The following SDCCAG8 variants were observed in gnomAD, a reference collection of about 807,000 sequenced individuals.
SDCCAG8 encodes the protein SHH signaling and ciliogenesis regulator SDCCAG8, also known as serologically defined colon cancer antigen 8.
In SDCCAG8, 74 loss-of-function variants were observed where a neutral mutation model predicts 101.8. The ratio of observed to expected loss-of-function variants is 0.73; its 90% CI spans 0.60 to 0.88. The LOEUF (loss-of-function observed/expected upper bound fraction) is 0.88. Ranked by LOEUF, SDCCAG8 falls within the 40% of genes least tolerant of loss-of-function variation. The pLI, the probability that SDCCAG8 is intolerant of heterozygous loss-of-function variation, is 0.00. For missense variants in SDCCAG8, 787 were observed against 822.6 expected, an observed-to-expected ratio of 0.96 and a Z score of 0.53; for synonymous variants, 281 against 292.9, an observed-to-expected ratio of 0.96 and a Z score of 0.41.
At chr1:243,466,280 A>C (rs148557559) in intron 16 of SDCCAG8, among the ~76,000 whole-genome samples, 1 of 152,200 alleles carries the variant, frequency 6.6e-6, no homozygotes, top group Non-Finnish European at 1.5e-5. Context: ...TAGGAGAAGT[A>C]TTGTTAAAAT....
chr1:243,404,936 G>A (rs774359891), intron 13 of SDCCAG8, among the ~76,000 whole-genome samples: 2 of 149,900 alleles, frequency 1.3e-5, no homozygotes, highest in Admixed American at 6.7e-5. Context: ...GCATGATCTC[G>A]GCTCACCACA....
intron 14 of SDCCAG8, 87 bp downstream of exon 14, chr1:243,415,916 T>C (rs1573920766): frequency 6.5e-7 from 1 of 1,527,536 alleles, no homozygotes; most frequent in African/African-American, 1.4e-5. Flanking sequence ...GGAACACCTG[T>C]AACCTTTGGC....
At chr1:243,439,622 T>TCTCACACACA (rs541157518) in intron 16 of SDCCAG8, among the ~76,000 whole-genome samples, 85 of 120,200 alleles carry the variant, frequency 7.1e-4, no homozygotes, top group Admixed American at 1.8e-3. Flanking sequence ...TGAGACTCCA[T>TCTCACACACA]CACACACACA....
chr1:243,399,800 G>A (rs952562934), intron 13 of SDCCAG8, among the ~76,000 whole-genome samples: 1 of 152,156 alleles, frequency 6.6e-6, no homozygotes, highest in Non-Finnish European at 1.5e-5. Flanking sequence ...ATGAGCCATG[G>A]CACTCAGCCC....
chr1:243,347,152 C>T (rs1426412971), intron 12 of SDCCAG8, among the ~76,000 whole-genome samples: 1 of 152,076 alleles, frequency 6.6e-6, no homozygotes, highest in African/African-American at 2.4e-5. Flanking sequence ...TTTTTCTGCT[C>T]CACCTTCTCA....
intron 13 of SDCCAG8, among the ~76,000 whole-genome samples, chr1:243,385,575 G>A (rs61396109): frequency 0.012 from 1,797 of 152,140 alleles, 31 homozygotes; most frequent in African/African-American, 0.04. Flanking sequence ...GGGAATCGAT[G>A]GTATTTGGGA....
At chr1:243,317,724 A>G (rs1247030620) in intron 9 of SDCCAG8, among the ~76,000 whole-genome samples, 1 of 152,192 alleles carries the variant, frequency 6.6e-6, no homozygotes, top group Non-Finnish European at 1.5e-5. Flanking sequence ...AGGCACTTTG[A>G]AGAATAGGAG....
At chr1:243,413,576 T>A (rs1286690388) in intron 13 of SDCCAG8, among the ~76,000 whole-genome samples, 4 of 152,174 alleles carry the variant, frequency 2.6e-5, no homozygotes, top group Non-Finnish European at 5.9e-5. Context: ...GACAACCCCT[T>A]TACATTGGGG....
chr1:243,304,494 GAC>G (rs2071880133), intron 6 of SDCCAG8, among the ~76,000 whole-genome samples: 1 of 152,096 alleles, frequency 6.6e-6, no homozygotes, highest in Non-Finnish European at 1.5e-5. Context: ...AATTTTGAAA[GAC>G]AAAGAAAATC....
intron 9 of SDCCAG8, among the ~76,000 whole-genome samples, chr1:243,330,190 G>A (rs753382577): frequency 1.6e-4 from 25 of 152,036 alleles, no homozygotes; most frequent in Admixed American, 1.2e-3. Flanking sequence ...TACGTATTTC[G>A]TGTAGTATAA....
chr1:243,379,238 A>G (rs1028310097), intron 13 of SDCCAG8, among the ~76,000 whole-genome samples: 1 of 152,210 alleles, frequency 6.6e-6, no homozygotes, highest in African/African-American at 2.4e-5. Flanking sequence ...AAATACTGTC[A>G]GTGGTGAGAG....
chr1:243,422,563 G>A (rs1037600962), intron 15 of SDCCAG8, among the ~76,000 whole-genome samples: 3 of 152,162 alleles, frequency 2.0e-5, no homozygotes, highest in Non-Finnish European at 2.9e-5. Context: ...GCAACAGTAG[G>A]TATCCAACTG....
rs769978207 is a variant in SDCCAG8 at position 243,499,709 on chromosome 1, T to C, written c.2113-47T>C. On this transcript the variant is annotated intron_variant, in intron 17 of 17. Coordinates refer to ENST00000366541, the MANE Select transcript of SDCCAG8 (RefSeq NM_006642.5). ...CCAGCAAATGAGAAGACAAATAACA[T>C]TGAAGAACATGAGCTATTGAAACTT... The C allele has an allele frequency of 2.4e-5, 34 of 1,434,792 alleles. No homozygotes were observed. The South Asian group carries it at 3.1e-4, about 13-fold the overall frequency. 88.9% of individuals were successfully genotyped at this position (1,434,792 alleles called of 1,614,324 possible).
At chr1:243,478,273 A>G (rs1477330474) in intron 16 of SDCCAG8, among the ~76,000 whole-genome samples, 1 of 152,220 alleles carries the variant, frequency 6.6e-6, no homozygotes, top group Non-Finnish European at 1.5e-5. Context: ...TAGAGTCAAG[A>G]GATGTGGGCT....
chr1:243,298,418 C>T (rs1253777041), intron 6 of SDCCAG8, among the ~76,000 whole-genome samples: 10 of 130,714 alleles, frequency 7.7e-5, no homozygotes, highest in African/African-American at 1.4e-4. Context: ...AGTGCAATGG[C>T]ACAATCTCAG....
At chr1:243,408,530 G>A (rs553803046) in intron 13 of SDCCAG8, among the ~76,000 whole-genome samples, 1 of 152,182 alleles carries the variant, frequency 6.6e-6, no homozygotes, top group Non-Finnish European at 1.5e-5. Context: ...TGGCTGTCAA[G>A]ATGGATAATA....
At chr1:243,418,351 A>AT (rs1310840771) in intron 15 of SDCCAG8, among the ~76,000 whole-genome samples, 2 of 152,218 alleles carry the variant, frequency 1.3e-5, no homozygotes, top group African/African-American at 4.8e-5. Context: ...CAATATGGTA[A>AT]TAACATAAAC....
chr1:243,297,849 A>G (rs111557921), intron 6 of SDCCAG8, among the ~76,000 whole-genome samples: 1 of 152,212 alleles, frequency 6.6e-6, no homozygotes, highest in Admixed American at 6.5e-5. Context: ...GTCAGTATAC[A>G]TATTATAAAT....
At position 243,293,235 on chromosome 1, in the gene SDCCAG8, C is replaced by A; in HGVS notation, c.675+16C>A. The A allele has an allele frequency of 6.2e-7, 1 of 1,613,070 alleles. No homozygotes were observed. Among genetic ancestry groups the A allele is most frequent in the Non-Finnish European group, 8.5e-7 (1 of 1,179,478 alleles). ...GCTAGAACTGGTGAGTATTTGGGTG[C>A]TTTTCTCTTATACATCTTTTTTTTC... On this transcript the variant is annotated intron_variant, in intron 6 of 17. Transcript: ENST00000366541.
Sources: gnomAD v4.1 joint callset for allele counts (sites outside exome capture counted in the v4.1 genomes callset) on GRCh38, gnomAD v4.1.1 for gene constraint, MANE v1.5 for transcripts, NCBI Gene and HGNC (gene_info 2026-07-23, HGNC 2026-07-21) for gene names.